Variants in KCNQ1OT1 observed in about 807,000 individuals in gnomAD.
The protein encoded by KCNQ1OT1 is KCNQ1 antisense RNA 2 (non-protein coding).
chr11:2,652,446 T>C lies in KCNQ1OT1; in HGVS notation n.47549A>G. 1 of 398,652 alleles carries C rather than the reference T, an allele frequency of 2.5e-6. No individual in the cohort carries two copies. The highest frequency in any genetic ancestry group is 4.4e-6 in the Non-Finnish European group (1 of 226,060). The allele number at this position is 398,652 out of a possible 1,614,324, so 24.7% of individuals were successfully genotyped here. A position where few individuals can be genotyped will look rare whatever the true frequency, so the allele number is the denominator to read the frequency against. On this transcript the variant is annotated non_coding_transcript_exon_variant, in exon 1 of 1. Transcript: ENST00000597346. This position sits in a 1 kb window ranked among gnomAD's most constrained non-coding sequence, Gnocchi z 5.9. The stretch of plus-strand genomic sequence containing the variant: ...TTGAAAATCAAGGCCACTTTTTTGT[T>C]TTCTCCATCCAAAGACCTCCAGAAA...
chr11:2,697,691 G>A (rs966536531), exon 1 of KCNQ1OT1: 5 of 398,514 alleles, frequency 1.3e-5, no homozygotes, highest in Admixed American at 4.4e-5. Context: ...TCTGATATTG[G>A]ATCATCTTTG....
Position 2,645,542 on chromosome 11 carries a change from G to A in KCNQ1OT1, n.54453C>T, listed in dbSNP as rs1040220766. The A allele has an allele frequency of 5.0e-6, 2 of 398,794 alleles. No individual in the cohort carries two copies. Among genetic ancestry groups the A allele is most frequent in the Admixed American group, 4.4e-5 (1 of 22,744 alleles). The allele number at this position is 398,794 out of a possible 1,614,324, so 24.7% of individuals were successfully genotyped here. A position where few individuals can be genotyped will look rare whatever the true frequency, so the allele number is the denominator to read the frequency against. On this transcript the variant is annotated non_coding_transcript_exon_variant, in exon 1 of 1. Coordinates refer to ENST00000597346, the Ensembl canonical transcript of KCNQ1OT1. The surrounding 1 kb of genome is among the most constrained non-coding windows in gnomAD (Gnocchi z 5.8). ...CCCTACTCCTGGGGAAGTTGAGTGG[G>A]ATTGCTTTCAGTGGCAGCAGCTATA...
chr11:2,646,814 A>T (rs1849673046), exon 1 of KCNQ1OT1: 1 of 398,372 alleles, frequency 2.5e-6, no homozygotes, highest in Admixed American at 4.4e-5. Context: ...TCATGTCCAC[A>T]CCTACTAATT....
chr11:2,666,404 A>G, exon 1 of KCNQ1OT1: 1 of 398,670 alleles, frequency 2.5e-6, no homozygotes, highest in Non-Finnish European at 4.4e-6. Context: ...CTTGAGCAAA[A>G]ACAGCCCCGT....
Position 2,664,816 on chromosome 11 carries a change from G to T in KCNQ1OT1, n.35179C>A, listed in dbSNP as rs950496777. On this transcript the variant is annotated non_coding_transcript_exon_variant, in exon 1 of 1. Coordinates refer to ENST00000597346, the Ensembl canonical transcript of KCNQ1OT1. This position sits in a 1 kb window ranked among gnomAD's most constrained non-coding sequence, Gnocchi z 5.1. Reference sequence around the variant, plus strand: ...CAAAAAACATTTCCATTTTTCTTCAGCATTCTACTGATGTTAAATGTATTA... The same window carrying T: ...CAAAAAACATTTCCATTTTTCTTCATCATTCTACTGATGTTAAATGTATTA... 3 of 398,678 alleles carry T rather than the reference G, an allele frequency of 7.5e-6. No individual in the cohort carries two copies. Among genetic ancestry groups the T allele is most frequent in the Non-Finnish European group, 1.3e-5 (3 of 226,116 alleles). The allele number at this position is 398,678 out of a possible 1,614,324, so 24.7% of individuals were successfully genotyped here.
chr11:2,675,249 C>T (rs1001133564), exon 1 of KCNQ1OT1: 16 of 398,482 alleles, frequency 4.0e-5, no homozygotes, highest in Non-Finnish European at 5.3e-5. Context: ...CCAAGCAGTA[C>T]TGTTTCAGAA....
At chr11:2,655,925 C>G (rs1590010488) in exon 1 of KCNQ1OT1, 1 of 398,662 alleles carries the variant, frequency 2.5e-6, no homozygotes, top group East Asian at 3.6e-5. Flanking sequence ...AGGATTAAAC[C>G]AAAAAGCACA....
exon 1 of KCNQ1OT1, chr11:2,686,876 C>T (rs891608916): frequency 7.5e-6 from 3 of 398,544 alleles, no homozygotes; most frequent in Non-Finnish European, 4.4e-6. Flanking sequence ...TTTGTGTCTG[C>T]CCAGTGACCA....
At position 2,673,426 on chromosome 11, in the gene KCNQ1OT1, AG is replaced by A. The variant is rs1850223955; in HGVS notation, n.26568del. On this transcript the variant is annotated non_coding_transcript_exon_variant, in exon 1 of 1. Coordinates refer to ENST00000597346, the Ensembl canonical transcript of KCNQ1OT1. This position sits in a 1 kb window ranked among gnomAD's most constrained non-coding sequence, Gnocchi z 4.5. ...CCTTCTGCCTAGGCACCAGGCCTGG[AG>A]GTTCCAACTTGGTGTTGGGCCTCCT... 2 of 398,660 alleles carry A rather than the reference AG, an allele frequency of 5.0e-6. No individual in the cohort carries two copies. The highest frequency in any genetic ancestry group is 8.8e-6 in the Non-Finnish European group (2 of 226,060). 24.7% of individuals were successfully genotyped at this position (398,660 alleles called of 1,614,324 possible).
At chr11:2,640,389 C>A in exon 1 of KCNQ1OT1, 1 of 398,594 alleles carries the variant, frequency 2.5e-6, no homozygotes. Flanking sequence ...AGGCTCAAGT[C>A]ATTCTCCATC....
At position 2,661,133 on chromosome 11, in the gene KCNQ1OT1, G is replaced by A. The variant is rs953574969; in HGVS notation, n.38862C>T. Reference sequence around the variant, plus strand: ...CATCTGCTGCTCGGATGAGCAGAGAGGGTGGGCTAGGGATCTAGTTGGCAG... The same window carrying A: ...CATCTGCTGCTCGGATGAGCAGAGAAGGTGGGCTAGGGATCTAGTTGGCAG... On this transcript the variant is annotated non_coding_transcript_exon_variant, in exon 1 of 1. Transcript: ENST00000597346. The surrounding 1 kb of genome is among the most constrained non-coding windows in gnomAD (Gnocchi z 5.9). The A allele has an allele frequency of 5.0e-6, 2 of 398,626 alleles. No homozygotes were observed. The highest frequency in any genetic ancestry group is 8.8e-6 in the Non-Finnish European group (2 of 226,066). The allele number at this position is 398,626 out of a possible 1,614,324, so 24.7% of individuals were successfully genotyped here. A position where few individuals can be genotyped will look rare whatever the true frequency, so the allele number is the denominator to read the frequency against.
chr11:2,617,713 C>T lies in KCNQ1OT1; in HGVS notation n.82282G>A. 7.5e-6 allele frequency: 3 copies of T among 398,458 alleles called. No individual in the cohort carries two copies. The highest frequency in any genetic ancestry group is 4.4e-6 in the Non-Finnish European group (1 of 225,952). 24.7% of individuals were successfully genotyped at this position (398,458 alleles called of 1,614,324 possible). On this transcript the variant is annotated non_coding_transcript_exon_variant, in exon 1 of 1. Transcript: ENST00000597346. The surrounding 1 kb of genome is among the most constrained non-coding windows in gnomAD (Gnocchi z 4.6). ...AAGAGTTCCCTAACCCTAGCCAACA[C>T]TTAATAGCTATTCTCATGAGTGTGA...
rs1196711108 is a variant in KCNQ1OT1, at chr11:2,612,368, C to G, written n.87627G>C. On this transcript the variant is annotated non_coding_transcript_exon_variant, in exon 1 of 1. Coordinates refer to ENST00000597346, the Ensembl canonical transcript of KCNQ1OT1. The surrounding 1 kb of genome is among the most constrained non-coding windows in gnomAD (Gnocchi z 5.5). ...AAATTGTCTTCCACAAAACTGGTCC[C>G]TCATGCCAAAAAGGTTGGGGACCAC... 2 of 398,504 alleles carry G rather than the reference C, an allele frequency of 5.0e-6. No homozygotes were observed. Among genetic ancestry groups the G allele is most frequent in the Non-Finnish European group, 8.8e-6 (2 of 226,078 alleles). The allele number at this position is 398,504 out of a possible 1,614,324, so 24.7% of individuals were successfully genotyped here.
Position 2,671,152 on chromosome 11 carries a change from G to A in KCNQ1OT1, n.28843C>T, listed in dbSNP as rs2133868496. The A allele has an allele frequency of 2.5e-6, 1 of 398,610 alleles. No individual in the cohort carries two copies. Among genetic ancestry groups the A allele is most frequent in the East Asian group, 3.6e-5 (1 of 28,078 alleles). 24.7% of individuals were successfully genotyped at this position (398,610 alleles called of 1,614,324 possible). A position where few individuals can be genotyped will look rare whatever the true frequency, so the allele number is the denominator to read the frequency against. On this transcript the variant is annotated non_coding_transcript_exon_variant, in exon 1 of 1. Transcript: ENST00000597346. The surrounding 1 kb of genome is among the most constrained non-coding windows in gnomAD (Gnocchi z 4.7). ...GTTGGTCCCATGGGAGGCCTGAGGT[G>A]CCATCTTAGAAATAGGGCCTTGTTA...
At position 2,690,614 on chromosome 11, in the gene KCNQ1OT1, C is replaced by G; in HGVS notation, n.9381G>C. On this transcript the variant is annotated non_coding_transcript_exon_variant, in exon 1 of 1. Coordinates refer to ENST00000597346, the Ensembl canonical transcript of KCNQ1OT1. The surrounding 1 kb of genome is among the most constrained non-coding windows in gnomAD (Gnocchi z 5.1). ...GCAGGGAGTGGGGCACACATATGTG[C>G]ATGTTCATATATGTGTCAGAATGCG... The G allele has an allele frequency of 5.0e-6, 2 of 398,636 alleles. No homozygotes were observed. Among genetic ancestry groups the G allele is most frequent in the Non-Finnish European group, 8.8e-6 (2 of 226,092 alleles). The allele number at this position is 398,636 out of a possible 1,614,324, so 24.7% of individuals were successfully genotyped here.
exon 1 of KCNQ1OT1, chr11:2,641,347 T>C (rs1362079111): frequency 7.5e-6 from 3 of 398,352 alleles, no homozygotes; most frequent in Non-Finnish European, 1.3e-5. Context: ...ATAGCCATTC[T>C]CACTATGGTT....
chr11:2,696,377 G>C lies in KCNQ1OT1; in HGVS notation n.3618C>G, dbSNP rs971195204. On this transcript the variant is annotated non_coding_transcript_exon_variant, in exon 1 of 1. Coordinates refer to ENST00000597346, the Ensembl canonical transcript of KCNQ1OT1. ...TCTGAACAGTCCCCACTGATATGTGGTGCCACCTTTATCACATGTCCCCTT... is the reference window on the plus strand; with the variant it reads ...TCTGAACAGTCCCCACTGATATGTGCTGCCACCTTTATCACATGTCCCCTT... 3.4e-4 allele frequency: 136 copies of C among 398,598 alleles called. No homozygotes were observed. In the East Asian group the frequency reaches 4.6e-3, roughly 14 times the overall value. 24.7% of individuals were successfully genotyped at this position (398,598 alleles called of 1,614,324 possible). A position where few individuals can be genotyped will look rare whatever the true frequency, so the allele number is the denominator to read the frequency against.
At chr11:2,697,393 T>C in exon 1 of KCNQ1OT1, 1 of 398,638 alleles carries the variant, frequency 2.5e-6, no homozygotes, top group Non-Finnish European at 4.4e-6. Flanking sequence ...CTTTTTCTTG[T>C]ATTAGGGTAT....
exon 1 of KCNQ1OT1, chr11:2,640,428 G>A: frequency 2.5e-6 from 1 of 398,616 alleles, no homozygotes. Flanking sequence ...TGGGACTACA[G>A]GCATGCACCA....
Sources: allele counts gnomAD v4.1 joint callset, GRCh38; gene constraint gnomAD v4.1.1; non-coding constraint Gnocchi (gnomAD v3.1); transcripts MANE v1.5; gene names NCBI Gene and HGNC (gene_info 2026-07-23, HGNC 2026-07-21).